Variants in EIPR1 observed in about 807,000 individuals in gnomAD.
EIPR1 encodes EARP complex and GARP complex interacting protein 1, also known as EARP and GARP complex-interacting protein 1.
A neutral mutation model predicts 48.1 loss-of-function variants in EIPR1; 25 were observed. That is an observed-to-expected ratio of 0.52 (90% CI 0.38 to 0.73). The LOEUF (loss-of-function observed/expected upper bound fraction) is 0.73. EIPR1 is among the 30% of genes least tolerant of loss of function. The pLI, the probability that EIPR1 is intolerant of heterozygous loss-of-function variation, is 0.00. For synonymous variants in EIPR1, 204 were observed against 201.9 expected, an observed-to-expected ratio of 1.01 and a Z score of -0.09; for missense variants, 415 against 506.2, an observed-to-expected ratio of 0.82 and a Z score of 1.73.
At chr2:3,276,789 C>T (rs528206498) in intron 3 of EIPR1, among the ~76,000 whole-genome samples, 132 of 152,220 alleles carry the variant, frequency 8.7e-4, no homozygotes, top group Non-Finnish European at 1.6e-3. Flanking sequence ...TCACAGTTTT[C>T]TCTAAGTTCT....
At chr2:3,305,163 T>A (rs1668896763) in intron 3 of EIPR1, among the ~76,000 whole-genome samples, 1 of 132,914 alleles carries the variant, frequency 7.5e-6, no homozygotes, top group South Asian at 2.6e-4. Flanking sequence ...TCCACTCCCG[T>A]CCAGTTCAAC....
chr2:3,291,962 C>A (rs1228104283), intron 3 of EIPR1, among the ~76,000 whole-genome samples: 1 of 152,244 alleles, frequency 6.6e-6, no homozygotes, highest in Non-Finnish European at 1.5e-5. Flanking sequence ...GTCAGGGGCC[C>A]CGCTGGGCCA....
chr2:3,269,972 A>G (rs1316105067), intron 3 of EIPR1, among the ~76,000 whole-genome samples: 6 of 152,242 alleles, frequency 3.9e-5, no homozygotes, highest in Non-Finnish European at 8.8e-5. Flanking sequence ...CATGAGCTGC[A>G]GCCACGGTAG....
intron 2 of EIPR1, among the ~76,000 whole-genome samples, chr2:3,339,516 G>A (rs988400178): frequency 6.6e-6 from 1 of 152,134 alleles, no homozygotes; most frequent in African/African-American, 2.4e-5. Flanking sequence ...ACGTCAAATT[G>A]TAATCCCAGT....
intron 3 of EIPR1, among the ~76,000 whole-genome samples, chr2:3,262,369 C>T (rs1050316746): frequency 6.6e-6 from 1 of 152,220 alleles, no homozygotes; most frequent in Non-Finnish European, 1.5e-5. Flanking sequence ...GAAACACAAG[C>T]TATGGCAATT....
intron 1 of EIPR1, among the ~76,000 whole-genome samples, chr2:3,357,073 C>T (rs958340334): frequency 1.1e-4 from 17 of 152,204 alleles, no homozygotes; most frequent in African/African-American, 4.1e-4. Context: ...CAACCAATCA[C>T]ACTGATTGTG....
chr2:3,270,291 C>G (rs1278978400), intron 3 of EIPR1, among the ~76,000 whole-genome samples: 2 of 152,218 alleles, frequency 1.3e-5, no homozygotes, highest in Admixed American at 6.5e-5. Context: ...AGAAGACCTG[C>G]TCCATGGATG....
chr2:3,354,545 G>A lies in EIPR1; in HGVS notation c.126+5C>T. The A allele has an allele frequency of 6.2e-7, 1 of 1,613,250 alleles. No individual in the cohort carries two copies. Among genetic ancestry groups the A allele is most frequent in the Non-Finnish European group, 8.5e-7 (1 of 1,179,334 alleles). On this transcript the variant is annotated splice_donor_5th_base_variant and intron_variant, in intron 2 of 8. Transcript: ENST00000382125. Reference sequence around the variant, plus strand: ...ATCATGTATACATTTGTCAAAAATAGTTACCTGATTATCATATTTAAGAGA... The same window carrying A: ...ATCATGTATACATTTGTCAAAAATAATTACCTGATTATCATATTTAAGAGA...
At chr2:3,254,372 C>A (rs777423633) in intron 4 of EIPR1, among the ~76,000 whole-genome samples, 8 of 152,180 alleles carry the variant, frequency 5.3e-5, no homozygotes, top group Admixed American at 3.3e-4. Flanking sequence ...AAAACCTGTT[C>A]ATTAATACTT....
chr2:3,324,960 G>A (rs759397688), intron 3 of EIPR1, among the ~76,000 whole-genome samples: 12 of 152,210 alleles, frequency 7.9e-5, no homozygotes, highest in Non-Finnish European at 1.5e-4. Flanking sequence ...AATCTGGCAG[G>A]ACCGCCACCC....
At chr2:3,242,900 A>T (rs1666681746) in intron 4 of EIPR1, among the ~76,000 whole-genome samples, 1 of 152,190 alleles carries the variant, frequency 6.6e-6, no homozygotes, top group African/African-American at 2.4e-5. Flanking sequence ...CACGTGCAAG[A>T]AGTATAAAAA....
intron 4 of EIPR1, among the ~76,000 whole-genome samples, chr2:3,249,924 G>A (rs1017345059): frequency 6.6e-6 from 1 of 152,226 alleles, no homozygotes; most frequent in Non-Finnish European, 1.5e-5. Flanking sequence ...TAGAATGCAG[G>A]AGTGAAAGAA....
chr2:3,332,757 G>A (rs1276508003), intron 3 of EIPR1, among the ~76,000 whole-genome samples: 2 of 152,134 alleles, frequency 1.3e-5, no homozygotes, highest in African/African-American at 2.4e-5. Context: ...TATAGAAAAC[G>A]TTCCATGAGT....
At chr2:3,226,613 G>A (rs1239917369) in intron 4 of EIPR1, among the ~76,000 whole-genome samples, 2 of 152,134 alleles carry the variant, frequency 1.3e-5, no homozygotes, top group African/African-American at 2.4e-5. Context: ...TTTTAAATCT[G>A]ATGCACTCTC....
chr2:3,369,417 C>T lies in EIPR1; in HGVS notation c.42+8231G>A, dbSNP rs185091473. Reference sequence around the variant, plus strand: ...TGGGTGCAGCGAACCGTGCGCAAGCCGAAGCAGGGCGAGGCATTGCCTCAC... The same window carrying T: ...TGGGTGCAGCGAACCGTGCGCAAGCTGAAGCAGGGCGAGGCATTGCCTCAC... On this transcript the variant is annotated intron_variant, in intron 1 of 8. Transcript: ENST00000382125. 6.8e-3 allele frequency among the ~76,000 whole-genome samples: 1,030 copies of T among 152,256 alleles called. 15 individuals carry two copies. The highest frequency in any genetic ancestry group is 0.023 in the African/African-American group (960 of 41,530).
At chr2:3,270,376 T>A (rs1269386959) in intron 3 of EIPR1, among the ~76,000 whole-genome samples, 1 of 152,176 alleles carries the variant, frequency 6.6e-6, no homozygotes, top group African/African-American at 2.4e-5. Context: ...TCCTCCAAGC[T>A]CCAGGTTCAT....
intron 3 of EIPR1, among the ~76,000 whole-genome samples, chr2:3,290,213 G>A (rs568633319): frequency 4.5e-4 from 68 of 152,332 alleles, no homozygotes; most frequent in Non-Finnish European, 6.5e-4. Context: ...TCGCTCACCC[G>A]GATGCAGCCC....
chr2:3,265,033 G>A (rs1431729532), intron 3 of EIPR1, among the ~76,000 whole-genome samples: 1 of 47,630 alleles, frequency 2.1e-5, no homozygotes, highest in Admixed American at 2.2e-4. Context: ...TTAATGAAAT[G>A]TCTAGTGTAT....
At chr2:3,231,118 G>T (rs902692860) in intron 4 of EIPR1, among the ~76,000 whole-genome samples, 2 of 152,158 alleles carry the variant, frequency 1.3e-5, no homozygotes, top group East Asian at 1.9e-4. Context: ...TGTTGTAAAT[G>T]GAACTGTTTT....
Sources: gnomAD v4.1 joint callset for allele counts (sites outside exome capture counted in the v4.1 genomes callset) on GRCh38, gnomAD v4.1.1 for gene constraint, MANE v1.5 for transcripts, NCBI Gene and HGNC (gene_info 2026-07-23, HGNC 2026-07-21) for gene names.